ADAMTS20: variants seen among roughly 807,000 people sequenced by gnomAD.
ADAMTS20 encodes the protein A disintegrin and metalloproteinase with thrombospondin motifs 20.
Under a neutral mutation model 260.1 loss-of-function variants are expected in ADAMTS20, and 225 were observed. The ratio of observed to expected loss-of-function variants is 0.87; its 90% CI spans 0.78 to 0.97. ADAMTS20 has a LOEUF of 0.97. Ranked by LOEUF, ADAMTS20 falls within the 50% of genes least tolerant of loss-of-function variation. The pLI is 0.00. For missense variants in ADAMTS20, 2,400 were observed against 2,337.7 expected (o/e 1.03, Z -0.55); for synonymous variants, 802 against 769.5 (o/e 1.04, Z -0.70).
chr12:43,493,094 GAGTTCCAT>G, intron 5 of ADAMTS20, 68 bp downstream of exon 5: 1 of 941,720 alleles, frequency 1.1e-6, no homozygotes, highest in Non-Finnish European at 1.6e-6. Context: ...TTTCTAATAA[GAGTTCCAT>G]AATCTCTACG....
At chr12:43,405,087 A>T (rs1390260535) in intron 28 of ADAMTS20, among the ~76,000 whole-genome samples, 1 of 151,682 alleles carries the variant, frequency 6.6e-6, no homozygotes, top group African/African-American at 2.4e-5. Context: ...TTTGCAGATA[A>T]GGAAAATATT....
Position 43,419,048 on chromosome 12 carries a change from G to T in ADAMTS20, c.4284+6466C>A, listed in dbSNP as rs1036519271. 5.9e-5 allele frequency among the ~76,000 whole-genome samples: 9 copies of T among 152,150 alleles called. No homozygotes were observed. The South Asian group carries it at 1.5e-3, about 25-fold the overall frequency. On this transcript the variant is annotated intron_variant, in intron 28 of 38. Coordinates refer to ENST00000389420, the MANE Select transcript of ADAMTS20 (RefSeq NM_025003.5). ...GAAACAAAATGTTCAAAACTAACGA[G>T]TCTACTACTTTTAAAAAAATTAAAT...
At chr12:43,464,503 G>T (rs1942118424) in intron 10 of ADAMTS20, 88 bp downstream of exon 10, 10 of 1,463,914 alleles carry the variant, frequency 6.8e-6, no homozygotes, top group East Asian at 2.3e-5. Flanking sequence ...GCTATATTTA[G>T]TTCAAGAGAA....
chr12:43,452,290 A>T lies in ADAMTS20; in HGVS notation c.2063T>A (p.Val688Asp). 1.9e-6 allele frequency: 3 copies of T among 1,611,790 alleles called. No individual in the cohort carries two copies. Among genetic ancestry groups the T allele is most frequent in the Non-Finnish European group, 2.5e-6 (3 of 1,179,042 alleles). The change falls in exon 14 of 39, where the codon GTT (valine) becomes GAT (aspartate). Residue 688 changes from valine (V) to aspartate (D), a missense_variant. Physicochemically the swap from Val to Asp is radical, Grantham distance 152 (BLOSUM62 -3). Coordinates refer to ENST00000389420, the MANE Select transcript of ADAMTS20 (RefSeq NM_025003.5). The part of the protein sequence containing the change: ...PCGTETHDIC[V>D]QGQCMAAGCD... ...TTTACTTACCATACACTGGCCTTGA[A>T]CACAGATGTCATGAGTTTCAGTTCC...
chr12:43,437,510 TACA>T (rs1001731024), intron 18 of ADAMTS20, among the ~76,000 whole-genome samples: 7 of 152,164 alleles, frequency 4.6e-5, no homozygotes, highest in African/African-American at 1.4e-4. Context: ...ACTTCCAGAA[TACA>T]ACATGTCATG....
Position 43,428,486 on chromosome 12 carries a change from A to C in ADAMTS20, c.3700T>G (p.Cys1234Gly). The change falls in exon 26 of 39, where the codon TGC becomes GGC. Residue 1234 changes from cysteine to glycine, a missense_variant. Transcript: ENST00000389420. ...GHGKTTRQVL[C>G]MNYHQPIDEN... is the part of the protein sequence containing the mutation. The stretch of plus-strand genomic sequence containing the variant: ...TCAATTGGCTGATGGTAGTTCATGC[A>C]TAAAACTTGTCGAGTTGTTTTTCCA... 1 of 1,613,942 alleles carries C rather than the reference A, an allele frequency of 6.2e-7. No homozygotes were observed. Among genetic ancestry groups the C allele is most frequent in the Non-Finnish European group, 8.5e-7 (1 of 1,179,850 alleles).
chr12:43,440,642 T>G (rs115469715), intron 16 of ADAMTS20, among the ~76,000 whole-genome samples: 2,284 of 152,254 alleles, frequency 0.015, 52 homozygotes, highest in African/African-American at 0.051. Context: ...TCTTCTTTCA[T>G]GATGTATGTA....
At chr12:43,433,248 A>G (rs1941483917) in intron 19 of ADAMTS20, among the ~76,000 whole-genome samples, 1 of 152,226 alleles carries the variant, frequency 6.6e-6, no homozygotes. Flanking sequence ...TTTGCAAAGT[A>G]CACTACACTT....
intron 29 of ADAMTS20, among the ~76,000 whole-genome samples, chr12:43,386,503 C>T (rs1251916179): frequency 6.6e-6 from 1 of 152,130 alleles, no homozygotes; most frequent in African/African-American, 2.4e-5. Context: ...GTAGTGTTCT[C>T]TATATTTCCT....
intron 3 of ADAMTS20, among the ~76,000 whole-genome samples, chr12:43,503,142 T>C (rs1409393160): frequency 3.5e-5 from 2 of 57,276 alleles, no homozygotes; most frequent in African/African-American, 4.2e-4. Context: ...ATTGCCCTAA[T>C]GGAAAAAAAA....
chr12:43,466,028 T>G (rs1253304259), intron 9 of ADAMTS20, among the ~76,000 whole-genome samples: 1 of 152,014 alleles, frequency 6.6e-6, no homozygotes, highest in Non-Finnish European at 1.5e-5. Context: ...TTGGAAAAGT[T>G]TCAGTGACTG....
intron 4 of ADAMTS20, among the ~76,000 whole-genome samples, chr12:43,498,194 G>C (rs1202135649): frequency 6.6e-6 from 1 of 152,090 alleles, no homozygotes; most frequent in Non-Finnish European, 1.5e-5. Flanking sequence ...CTTTAAGTAA[G>C]AAGGGTCTCT....
chr12:43,401,892 T>A (rs1259562928), intron 28 of ADAMTS20, among the ~76,000 whole-genome samples: 2 of 151,864 alleles, frequency 1.3e-5, no homozygotes, highest in Admixed American at 6.6e-5. Context: ...AAACCTTTGC[T>A]CTCTTTAAGT....
At chr12:43,520,539 G>A (rs1592108118) in intron 3 of ADAMTS20, among the ~76,000 whole-genome samples, 3 of 152,122 alleles carry the variant, frequency 2.0e-5, no homozygotes, top group Admixed American at 6.6e-5. Context: ...ATAAGCTGAT[G>A]GATAGTGTGA....
At chr12:43,509,618 T>C (rs1942894876) in intron 3 of ADAMTS20, among the ~76,000 whole-genome samples, 1 of 152,062 alleles carries the variant, frequency 6.6e-6, no homozygotes, top group Non-Finnish European at 1.5e-5. Context: ...TAACATCACG[T>C]AAGAAGAAGA....
In ADAMTS20 at chr12:43,369,343, C is replaced by T. The variant is rs746458193; in HGVS notation, c.5485G>A (p.Ala1829Thr). 5 of 1,565,146 alleles carry T rather than the reference C, an allele frequency of 3.2e-6. No homozygotes were observed. The South Asian group carries it at 4.9e-5, about 15-fold the overall frequency. The change falls in exon 37 of 39, where the codon GCA becomes ACA. Residue 1829 changes from alanine to threonine, a missense_variant. Ala to Thr is a moderately conservative substitution (Grantham distance 58). Coordinates refer to ENST00000389420, the MANE Select transcript of ADAMTS20 (RefSeq NM_025003.5). ...TCTCCAGCTGTGGCAAATGGAACTG[C>T]ATTTCCAAATATTGTTTTGGAAAAA... The part of the protein sequence containing the change: ...LLFSKTIFGN[A>T]VPFATAGDCY...
Position 43,425,505 on chromosome 12 carries a change from C to T in ADAMTS20, c.4284+9G>A. 1 of 1,484,796 alleles carries T rather than the reference C, an allele frequency of 6.7e-7. No individual in the cohort carries two copies. The highest frequency in any genetic ancestry group is 9.1e-7 in the Non-Finnish European group (1 of 1,104,248). The allele number at this position is 1,484,796 out of a possible 1,614,324, so 92.0% of individuals were successfully genotyped here. On this transcript the variant is annotated intron_variant, in intron 28 of 38. Transcript: ENST00000389420. The stretch of plus-strand genomic sequence containing the variant: ...TATGACATGTTAACAGACAAGAGTG[C>T]TATCATACCGATGTCCATGGTTCCT...
At chr12:43,487,711 T>C (rs1942544155) in intron 7 of ADAMTS20, among the ~76,000 whole-genome samples, 1 of 152,170 alleles carries the variant, frequency 6.6e-6, no homozygotes, top group Admixed American at 6.5e-5. Flanking sequence ...TTTTGAGAAC[T>C]TGACATGCTG....
intron 28 of ADAMTS20, among the ~76,000 whole-genome samples, chr12:43,403,727 TAA>T (rs1940858423): frequency 1.3e-5 from 2 of 151,892 alleles, no homozygotes; most frequent in African/African-American, 4.8e-5. Context: ...AATAAAGAAC[TAA>T]AAAGAGTACT....
Sources: allele counts gnomAD v4.1 joint callset (sites outside exome capture counted in the v4.1 genomes callset), GRCh38; gene constraint gnomAD v4.1.1; transcripts MANE v1.5; gene names NCBI Gene and HGNC (gene_info 2026-07-23, HGNC 2026-07-21).